RIT2: variants seen among roughly 807,000 people sequenced by gnomAD.
The protein encoded by RIT2 is GTP-binding protein Rit2.
Under a neutral mutation model 23.7 loss-of-function variants are expected in RIT2, and 24 were observed. The ratio of observed to expected loss-of-function variants is 1.01; its 90% CI spans 0.73 to 1.43. The LOEUF is 1.43. Ranked by LOEUF, RIT2 falls within the 40% of genes most tolerant of loss-of-function variation. The pLI is 0.00. For missense variants in RIT2, 236 were observed against 266.9 expected, an observed-to-expected ratio of 0.88 and a Z score of 0.81; for synonymous variants, 107 against 91.1, an observed-to-expected ratio of 1.17 and a Z score of -0.99.
intron 2 of RIT2, among the ~76,000 whole-genome samples, chr18:42,997,802 G>A (rs1418752824): frequency 6.6e-6 from 1 of 152,118 alleles, no homozygotes; most frequent in African/African-American, 2.4e-5. Context: ...ACCAACACTT[G>A]GAAAATAGCC....
intron 1 of RIT2, among the ~76,000 whole-genome samples, chr18:43,058,787 G>A (rs1008616129): frequency 2.9e-4 from 44 of 152,218 alleles, no homozygotes; most frequent in African/African-American, 1.0e-3. Flanking sequence ...TACTTGGGAG[G>A]CTGAGGTGGG....
At chr18:43,102,107 A>G (rs1481629526) in intron 1 of RIT2, among the ~76,000 whole-genome samples, 2 of 152,144 alleles carry the variant, frequency 1.3e-5, no homozygotes, top group African/African-American at 2.4e-5. Flanking sequence ...TGATGCTTTG[A>G]TTTGAATCTA....
chr18:42,981,075 C>A (rs1184158584), intron 2 of RIT2, among the ~76,000 whole-genome samples: 1 of 152,108 alleles, frequency 6.6e-6, no homozygotes, highest in Admixed American at 6.6e-5. Flanking sequence ...AGCAACAGGA[C>A]TAGGTCACGG....
chr18:43,080,814 A>T (rs1316451938), intron 1 of RIT2, among the ~76,000 whole-genome samples: 3 of 152,154 alleles, frequency 2.0e-5, no homozygotes, highest in Non-Finnish European at 1.5e-5. Context: ...CTCTAAGAAC[A>T]ACTTTTATTC....
intron 2 of RIT2, among the ~76,000 whole-genome samples, chr18:43,012,728 T>C (rs191861688): frequency 0.017 from 380 of 22,076 alleles, 1 homozygote; most frequent in African/African-American, 0.026. Context: ...TCAACATTTA[T>C]CTAAAGTTTA....
chr18:43,080,937 A>G lies in RIT2; in HGVS notation c.103+34480T>C, dbSNP rs558156014. ...AGGATGAAAAAGGATTCTGTTTAGA[A>G]TAAAGCAAGGACAACAGGGATATAC... is the stretch of plus-strand genomic sequence containing the variant. On this transcript the variant is annotated intron_variant, in intron 1 of 4. Transcript: ENST00000326695. Among the ~76,000 whole-genome samples the G allele has an allele frequency of 4.6e-5, 7 of 152,330 alleles. No homozygotes were observed. The East Asian group carries it at 1.4e-3, about 29-fold the overall frequency.
At chr18:42,977,661 G>A (rs1910505455) in intron 2 of RIT2, among the ~76,000 whole-genome samples, 2 of 151,756 alleles carry the variant, frequency 1.3e-5, no homozygotes, top group African/African-American at 4.8e-5. Flanking sequence ...CAAGGGGTTT[G>A]TAAAATAATG....
chr18:43,007,364 T>C (rs1392946245), intron 2 of RIT2, among the ~76,000 whole-genome samples: 1 of 151,744 alleles, frequency 6.6e-6, no homozygotes, highest in Non-Finnish European at 1.5e-5. Flanking sequence ...TTTTTAACTT[T>C]CAGCCATCAC....
chr18:43,089,827 C>T (rs1443481550), intron 1 of RIT2, among the ~76,000 whole-genome samples: 1 of 151,946 alleles, frequency 6.6e-6, no homozygotes, highest in East Asian at 1.9e-4. Context: ...ATTCTGTACT[C>T]CCTTCAGCCA....
intron 4 of RIT2, among the ~76,000 whole-genome samples, chr18:42,861,364 T>C (rs180847088): frequency 2.0e-3 from 309 of 152,316 alleles, no homozygotes; most frequent in African/African-American, 6.9e-3. Context: ...ATCTCTGGCA[T>C]CTCCTGACTG....
chr18:43,066,444 G>A (rs1000452603), intron 1 of RIT2, among the ~76,000 whole-genome samples: 1 of 152,136 alleles, frequency 6.6e-6, no homozygotes, highest in African/African-American at 2.4e-5. Flanking sequence ...GGTACTTACA[G>A]AATAAATATT....
intron 3 of RIT2, among the ~76,000 whole-genome samples, chr18:42,961,007 G>A (rs537301611): frequency 2.0e-5 from 3 of 151,994 alleles, no homozygotes; most frequent in African/African-American, 7.2e-5. Context: ...GTTCCCTCTT[G>A]TGTCTTGGAG....
chr18:42,991,590 T>C (rs1910849638), intron 2 of RIT2, among the ~76,000 whole-genome samples: 2 of 151,186 alleles, frequency 1.3e-5, no homozygotes, highest in Non-Finnish European at 3.0e-5. Context: ...ACTGATGACA[T>C]TCCACCACAA....
At chr18:43,085,817 C>A (rs1913270344) in intron 1 of RIT2, among the ~76,000 whole-genome samples, 1 of 152,072 alleles carries the variant, frequency 6.6e-6, no homozygotes, top group Admixed American at 6.6e-5. Flanking sequence ...TGGAAGATAA[C>A]TGAATCATGG....
intron 4 of RIT2, among the ~76,000 whole-genome samples, chr18:42,903,318 T>C (rs1163268700): frequency 1.3e-5 from 2 of 151,988 alleles, no homozygotes; most frequent in East Asian, 3.9e-4. Context: ...AGCCCCAAAA[T>C]ATAGAAGATA....
chr18:42,891,610 A>C (rs910814531), intron 4 of RIT2, among the ~76,000 whole-genome samples: 3 of 152,176 alleles, frequency 2.0e-5, no homozygotes, highest in Non-Finnish European at 1.5e-5. Context: ...GAATAACTTC[A>C]AATTCATATT....
chr18:43,009,081 C>T lies in RIT2; in HGVS notation c.160+24730G>A, dbSNP rs77797060. Among the ~76,000 whole-genome samples, 552 of 151,556 alleles carry T rather than the reference C, an allele frequency of 3.6e-3. 5 individuals carry two copies. The highest frequency in any genetic ancestry group is 0.013 in the African/African-American group (531 of 41,398). On this transcript the variant is annotated intron_variant, in intron 2 of 4. Coordinates refer to ENST00000326695, the MANE Select transcript of RIT2 (RefSeq NM_002930.4). ...TAAATGATCTTCAAGTAGTAAACAC[C>T]TTAAATATTTGGTATTTATTAAAAA...
intron 4 of RIT2, among the ~76,000 whole-genome samples, chr18:42,789,118 C>A (rs556394): frequency 0.58 from 88,275 of 152,038 alleles, 29,122 homozygotes; most frequent in Non-Finnish European, 0.73. Flanking sequence ...TAATAAAATG[C>A]CCGCTAGTAG....
intron 4 of RIT2, among the ~76,000 whole-genome samples, chr18:42,852,804 C>T (rs1245446320): frequency 1.6e-5 from 2 of 126,892 alleles, no homozygotes; most frequent in Non-Finnish European, 3.2e-5. Flanking sequence ...TCTCTTCCTC[C>T]CTCCCTCCCT....
Sources: allele counts gnomAD v4.1 joint callset (sites outside exome capture counted in the v4.1 genomes callset), GRCh38; gene constraint gnomAD v4.1.1; transcripts MANE v1.5; gene names NCBI Gene and HGNC (gene_info 2026-07-23, HGNC 2026-07-21).